CPNE7: variants seen among roughly 807,000 people sequenced by gnomAD.
The protein encoded by CPNE7 is copine-7.
CPNE7 carries 78 observed loss-of-function variants against 66.5 expected under a neutral mutation model. That is an observed-to-expected ratio of 1.17 (90% CI 0.98 to 1.42). CPNE7 has a LOEUF of 1.42. Ranked by LOEUF, CPNE7 falls within the 40% of genes most tolerant of loss-of-function variation. The pLI, the probability that CPNE7 is intolerant of heterozygous loss-of-function variation, is 0.00. For missense variants in CPNE7, 1,012 were observed against 776.6 expected, an observed-to-expected ratio of 1.30 and a Z score of -3.60; for synonymous variants, 468 against 336.7, an observed-to-expected ratio of 1.39 and a Z score of -4.27.
chr16:89,586,870 G>T (rs1018430205), intron 8 of CPNE7, 114 bp downstream of exon 8: 30 of 1,153,832 alleles, frequency 2.6e-5, no homozygotes, highest in Non-Finnish European at 3.3e-5. Context: ...AGCACGTCTG[G>T]GGAGGGGCTG....
intron 13 of CPNE7, among the ~76,000 whole-genome samples, chr16:89,595,006 G>A (rs2059231505): frequency 6.6e-6 from 1 of 152,124 alleles, no homozygotes; most frequent in South Asian, 2.1e-4. Context: ...GGAGCAGGGT[G>A]TGTGGGCTGC....
rs2059002528 is a variant in CPNE7, at chr16:89,584,308, C to T, written c.507+206C>T. On this transcript the variant is annotated intron_variant, in intron 4 of 14. Coordinates refer to ENST00000319518, the MANE Select transcript of CPNE7 (RefSeq NM_153636.3). This position sits in a 1 kb window ranked among gnomAD's most constrained non-coding sequence, Gnocchi z 6.0. ...TCTCCCGCCCCTCCTGGCAGCTGGG[C>T]TGGGGCTGGGGCAGCTCCCTCCTGT... 6.6e-6 allele frequency among the ~76,000 whole-genome samples: 1 copy of T among 152,222 alleles called. No individual in the cohort carries two copies. The highest frequency in any genetic ancestry group is 1.5e-5 in the Non-Finnish European group (1 of 68,024).
chr16:89,584,233 C>T lies in CPNE7; in HGVS notation c.507+131C>T. 1.1e-6 allele frequency: 1 copy of T among 874,850 alleles called. No homozygotes were observed. The highest frequency in any genetic ancestry group is 1.7e-6 in the Non-Finnish European group (1 of 582,230). 54.2% of individuals were successfully genotyped at this position (874,850 alleles called of 1,614,324 possible). ...AGACGTGTGCGGAGTGTGCCTGGGG[C>T]TGGGCGTGCTGCCGTCACGGTCGCC... On this transcript the variant is annotated intron_variant, in intron 4 of 14. Transcript: ENST00000319518. This position sits in a 1 kb window ranked among gnomAD's most constrained non-coding sequence, Gnocchi z 6.0.
chr16:89,585,403 AT>A, intron 5 of CPNE7, 60 bp from the exon 6 acceptor site: 1 of 1,187,114 alleles, frequency 8.4e-7, no homozygotes, highest in Non-Finnish European at 1.2e-6. Context: ...CCAGGTCTCT[AT>A]CCCCCCCAAG....
chr16:89,579,029 G>T (rs369230), intron 2 of CPNE7: 1,056,084 of 1,525,952 alleles, frequency 0.69, 369,758 homozygotes, highest in Middle Eastern at 0.84. Context: ...GGTGGCTCAC[G>T]CCTGTAATCG....
intron 9 of CPNE7, 41 bp downstream of exon 9, chr16:89,587,143 T>G (rs1368307543): frequency 3.7e-6 from 4 of 1,072,912 alleles, no homozygotes; most frequent in South Asian, 3.0e-5. Context: ...CCTCAGTCCG[T>G]GGCCCCGCCC....
rs180831888 is a variant in CPNE7, at chr16:89,592,051, A to C, written c.1302+791A>C. On this transcript the variant is annotated intron_variant, in intron 13 of 14. Transcript: ENST00000319518. The stretch of plus-strand genomic sequence containing the variant: ...GAGACGGAGTCTCGCTCTGTCACCC[A>C]GGCTGGAAGTGTAGTGGCGCAATCT... 9.3e-3 allele frequency among the ~76,000 whole-genome samples: 1,315 copies of C among 141,714 alleles called. 29 individuals are homozygous for C. Among genetic ancestry groups the C allele is most frequent in the Admixed American group, 0.037 (506 of 13,780 alleles). 93.0% of individuals were successfully genotyped at this position (141,714 alleles called of 152,430 possible). A position where few individuals can be genotyped will look rare whatever the true frequency, so the allele number is the denominator to read the frequency against.
In CPNE7 at chr16:89,595,478, G is replaced by A. The variant is rs778892669; in HGVS notation, c.1414G>A (p.Val472Met). Residue 472 changes from valine (V) to methionine (M), a missense_variant, in exon 14 of 15, where the codon GTG (valine) becomes ATG (methionine). Transcript: ENST00000319518. ...RLPMSIIIVG[V>M]GNADFTDMQV... ...GCCCATGTCCATCATCATCGTGGGC[G>A]TGGGCAACGCCGACTTCACCGACAT... The A allele has an allele frequency of 3.0e-5, 48 of 1,612,418 alleles. No homozygotes were observed. The highest frequency in any genetic ancestry group is 5.3e-5 in the African/African-American group (4 of 74,952).
chr16:89,586,896 C>T (rs2292955), intron 8 of CPNE7, 140 bp downstream of exon 8: 21 of 1,096,540 alleles, frequency 1.9e-5, no homozygotes, highest in South Asian at 5.3e-5. Context: ...CGGGGAAGGG[C>T]GAGGTTGGGG....
intron 2 of CPNE7, chr16:89,578,838 T>C: frequency 1.3e-6 from 2 of 1,598,512 alleles, no homozygotes; most frequent in South Asian, 1.1e-5. Flanking sequence ...TGATGCTCTC[T>C]GGGTTACGGC....
intron 7 of CPNE7, 33 bp downstream of exon 7, chr16:89,585,818 A>T: frequency 1.4e-5 from 2 of 145,524 alleles, no homozygotes; most frequent in African/African-American, 8.6e-5. Context: ...TCCTCCAGGG[A>T]GGGTCAGGTG....
chr16:89,579,553 C>T (rs1167533344), intron 2 of CPNE7, among the ~76,000 whole-genome samples: 2 of 150,998 alleles, frequency 1.3e-5, no homozygotes, highest in Non-Finnish European at 3.0e-5. Context: ...ACCCATGACA[C>T]GGAACATCCC....
rs531322407 is a variant in CPNE7 at position 89,592,873 on chromosome 16, C to T, written c.1302+1613C>T. On this transcript the variant is annotated intron_variant, in intron 13 of 14. Transcript: ENST00000319518. ...TGTCACCCAGGCTGGAGTGCAGTGA[C>T]GTGATCTCGGCTCACTGCAAGCTCC... Among the ~76,000 whole-genome samples, 65 of 119,366 alleles carry T rather than the reference C, an allele frequency of 5.4e-4. 1 individual carries two copies. Among genetic ancestry groups the T allele is most frequent in the Middle Eastern group, 7.9e-3 (1 of 126 alleles). The allele number at this position is 119,366 out of a possible 152,430, so 78.3% of individuals were successfully genotyped here.
At chr16:89,583,676 C>T (rs1427754457) in intron 2 of CPNE7, 21 bp from the exon 3 acceptor site, 3 of 1,612,628 alleles carry the variant, frequency 1.9e-6, no homozygotes, top group Non-Finnish European at 2.5e-6. Context: ...CCCCTCCCTG[C>T]CTGACGCCTC....
Position 89,584,843 on chromosome 16 carries a change from G to A in CPNE7, c.577G>A (p.Val193Met), listed in dbSNP as rs866984421. ...RVNDDQGLQL[V>M]YRTEVVKNNL... ...CAACGACGACCAGGGCTTGCAGCTG[G>A]TGTACAGGACGGAGGTGAGCGGCCG... Residue 193 changes from valine (V) to methionine (M), a missense_variant, in exon 5 of 15, where the codon GTG becomes ATG. Transcript: ENST00000319518. This position sits in a 1 kb window ranked among gnomAD's most constrained non-coding sequence, Gnocchi z 6.0. The A allele has an allele frequency of 6.2e-7, 1 of 1,613,552 alleles. No homozygotes were observed. The highest frequency in any genetic ancestry group is 8.5e-7 in the Non-Finnish European group (1 of 1,179,942).
chr16:89,583,396 G>A lies in CPNE7; in HGVS notation c.358-301G>A, dbSNP rs2058984820. ...CAGGTGCAGGCCAGCTGGGCTGTGAGCTGCTTCCTGGCTTCCACCTGAGCC... is the reference window on the plus strand; with the variant it reads ...CAGGTGCAGGCCAGCTGGGCTGTGAACTGCTTCCTGGCTTCCACCTGAGCC... On this transcript the variant is annotated intron_variant, in intron 2 of 14. Coordinates refer to ENST00000319518, the MANE Select transcript of CPNE7 (RefSeq NM_153636.3). 5.9e-6 allele frequency: 9 copies of A among 1,527,830 alleles called. No homozygotes were observed. In the East Asian group the frequency reaches 2.0e-4, roughly 33 times the overall value. The allele number at this position is 1,527,830 out of a possible 1,614,324, so 94.6% of individuals were successfully genotyped here. A position where few individuals can be genotyped will look rare whatever the true frequency, so the allele number is the denominator to read the frequency against.
At position 89,587,722 on chromosome 16, in the gene CPNE7, C is replaced by T. The variant is rs71374184; in HGVS notation, c.927+620C>T. ...ACCCCGTGTCACCCCCATAGCACCC[C>T]CGTGTCACCCACAGATACACGGCCC... On this transcript the variant is annotated intron_variant, in intron 9 of 14. Coordinates refer to ENST00000319518, the MANE Select transcript of CPNE7 (RefSeq NM_153636.3). The T allele has an allele frequency of 2.6e-3, 310 of 120,646 alleles. 13 individuals are homozygous for T. Among genetic ancestry groups the T allele is most frequent in the African/African-American group, 0.013 (280 of 21,700 alleles). The allele number at this position is 120,646 out of a possible 1,614,324, so 7.5% of individuals were successfully genotyped here.
At position 89,596,661 on chromosome 16, in the gene CPNE7, TC is replaced by T; in HGVS notation, c.*42del. 1.3e-6 allele frequency: 2 copies of T among 1,546,568 alleles called. No individual in the cohort carries two copies. The highest frequency in any genetic ancestry group is 1.7e-6 in the Non-Finnish European group (2 of 1,154,334). ...TAGGGTGGGGGCAGTGAGGAATGGG[TC>T]CGTACAGCCTCTGTCTGCAACATGC... On this transcript the variant is annotated 3_prime_UTR_variant, in exon 15 of 15. Transcript: ENST00000319518.
At chr16:89,596,335 T>G in intron 14 of CPNE7, 149 bp from the exon 15 acceptor site, 1 of 1,082,804 alleles carries the variant, frequency 9.2e-7, no homozygotes, top group Non-Finnish European at 1.3e-6. Flanking sequence ...CCTCAGCAAG[T>G]CTTGCCCGGC....
Sources: allele counts gnomAD v4.1 joint callset (sites outside exome capture counted in the v4.1 genomes callset), GRCh38; gene constraint gnomAD v4.1.1; non-coding constraint Gnocchi (gnomAD v3.1); transcripts MANE v1.5; gene names NCBI Gene and HGNC (gene_info 2026-07-23, HGNC 2026-07-21).